SYT1: variants seen among roughly 807,000 people sequenced by gnomAD.
SYT1 encodes the protein synaptotagmin-1.
SYT1 carries 8 observed loss-of-function variants against 44.8 expected under a neutral mutation model. That is an observed-to-expected ratio of 0.18 (90% CI 0.10 to 0.32). The LOEUF (loss-of-function observed/expected upper bound fraction) is 0.32. SYT1 is among the 10% of genes least tolerant of loss of function. The pLI is 1.00. For missense variants in SYT1, 286 were observed against 509.3 expected, an observed-to-expected ratio of 0.56 and a Z score of 4.22; for synonymous variants, 154 against 188.8, an observed-to-expected ratio of 0.82 and a Z score of 1.51.
chr12:79,094,037 C>T (rs73353584), intron 3 of SYT1, among the ~76,000 whole-genome samples: 5,111 of 151,356 alleles, frequency 0.034, 172 homozygotes, highest in South Asian at 0.11. Context: ...TCTCTTGTAA[C>T]AAGAAGTTAA....
intron 3 of SYT1, among the ~76,000 whole-genome samples, chr12:79,062,345 A>G (rs1875453532): frequency 6.6e-6 from 1 of 152,180 alleles, no homozygotes; most frequent in Non-Finnish European, 1.5e-5. Flanking sequence ...GTTTGCCTTC[A>G]TTGACTTTTC....
chr12:79,113,803 T>C (rs1321159717), intron 3 of SYT1, among the ~76,000 whole-genome samples: 1 of 152,160 alleles, frequency 6.6e-6, no homozygotes, highest in South Asian at 2.1e-4. Flanking sequence ...TAGTGTCCTG[T>C]AACCTCACCC....
chr12:79,285,593 A>G (rs1183746231), intron 4 of SYT1, among the ~76,000 whole-genome samples, 194 bp from the exon 5 acceptor site: 1 of 152,256 alleles, frequency 6.6e-6, no homozygotes, highest in Non-Finnish European at 1.5e-5. Flanking sequence ...GGAAGGGCAA[A>G]GTGGGAAAGA....
chr12:78,881,259 A>T (rs1592520311), intron 1 of SYT1, among the ~76,000 whole-genome samples: 1 of 151,540 alleles, frequency 6.6e-6, no homozygotes, highest in Admixed American at 6.6e-5. Context: ...CATCAATTTT[A>T]TATCGCTCCC....
intron 8 of SYT1, among the ~76,000 whole-genome samples, chr12:79,339,155 A>G (rs1267604442): frequency 1.3e-5 from 2 of 152,218 alleles, no homozygotes; most frequent in Non-Finnish European, 2.9e-5. Flanking sequence ...TTATAGCAGC[A>G]TGATTTATAA....
intron 1 of SYT1, among the ~76,000 whole-genome samples, chr12:78,908,759 C>T (rs1045928711): frequency 5.9e-5 from 9 of 151,830 alleles, no homozygotes; most frequent in Admixed American, 2.6e-4. Context: ...TGGAAAGAGT[C>T]GGCAGAGTCC....
At position 79,040,923 on chromosome 12, in the gene SYT1, C is replaced by T. The variant is rs1203904691; in HGVS notation, c.-83-6374C>T. Among the ~76,000 whole-genome samples the T allele has an allele frequency of 1.4e-3, 210 of 150,714 alleles. 2 individuals carry two copies. The highest frequency in any genetic ancestry group is 4.9e-3 in the African/African-American group (200 of 41,212). ...TGTTTTTCTCAGGTTTGTCAAAGAT[C>T]AGATAGTTGTAGATATGCGGCGTTA... is the stretch of plus-strand genomic sequence containing the variant. On this transcript the variant is annotated intron_variant, in intron 2 of 10. Coordinates refer to ENST00000261205, the MANE Select transcript of SYT1 (RefSeq NM_005639.3).
At chr12:78,994,968 C>T (rs777807157) in intron 2 of SYT1, among the ~76,000 whole-genome samples, 3 of 152,154 alleles carry the variant, frequency 2.0e-5, no homozygotes, top group Admixed American at 1.3e-4. Flanking sequence ...TGCACTGACG[C>T]TCCCCAGTCT....
chr12:79,041,331 G>T (rs1873553232), intron 2 of SYT1, among the ~76,000 whole-genome samples: 1 of 152,064 alleles, frequency 6.6e-6, no homozygotes, highest in Non-Finnish European at 1.5e-5. Context: ...CCTTGAAGAG[G>T]TCCTTCACAT....
chr12:79,176,314 G>T (rs1251167084), intron 3 of SYT1, among the ~76,000 whole-genome samples: 1 of 151,260 alleles, frequency 6.6e-6, no homozygotes, highest in African/African-American at 2.4e-5. Context: ...ATACCAAAGT[G>T]ATTTGGAAAA....
chr12:79,421,013 C>T (rs886855397), intron 9 of SYT1, among the ~76,000 whole-genome samples: 5 of 152,014 alleles, frequency 3.3e-5, no homozygotes, highest in Non-Finnish European at 7.4e-5. Flanking sequence ...TTCCTTTAAA[C>T]AAAGCAGATG....
At chr12:78,923,903 G>A (rs1354463643) in intron 1 of SYT1, among the ~76,000 whole-genome samples, 1 of 151,774 alleles carries the variant, frequency 6.6e-6, no homozygotes, top group Non-Finnish European at 1.5e-5. Context: ...GATTTCATAG[G>A]TTTCCCAATA....
At chr12:78,909,148 T>C (rs1326312505) in intron 1 of SYT1, among the ~76,000 whole-genome samples, 1 of 151,858 alleles carries the variant, frequency 6.6e-6, no homozygotes. Context: ...TCCATGCATT[T>C]TTTGTGCTCC....
At chr12:79,389,591 A>C (rs1593024515) in intron 9 of SYT1, among the ~76,000 whole-genome samples, 1 of 152,176 alleles carries the variant, frequency 6.6e-6, no homozygotes, top group African/African-American at 2.4e-5. Flanking sequence ...CCATAATTGT[A>C]AGTGGAGCTA....
intron 3 of SYT1, among the ~76,000 whole-genome samples, chr12:79,077,126 G>C (rs1052958531): frequency 5.9e-5 from 9 of 152,036 alleles, no homozygotes; most frequent in African/African-American, 2.2e-4. Flanking sequence ...ACTTTGGTCT[G>C]CTGCTGCCCT....
chr12:78,887,377 G>C lies in SYT1; in HGVS notation c.-217+22268G>C, dbSNP rs1317253186. 2.0e-5 allele frequency among the ~76,000 whole-genome samples: 3 copies of C among 151,904 alleles called. No individual in the cohort carries two copies. In the East Asian group the frequency reaches 5.8e-4, roughly 30 times the overall value. On this transcript the variant is annotated intron_variant, in intron 1 of 10. Transcript: ENST00000261205. ...CCAAATGCACATGAGTGTGGATGCTGGCAATTCGGATATGCCAAAGAGAAG... is the reference window on the plus strand; with the variant it reads ...CCAAATGCACATGAGTGTGGATGCTCGCAATTCGGATATGCCAAAGAGAAG...
chr12:79,082,788 C>T (rs73353552), intron 3 of SYT1, among the ~76,000 whole-genome samples: 5,878 of 152,070 alleles, frequency 0.039, 235 homozygotes, highest in African/African-American at 0.097. Context: ...AGGGGAGGTC[C>T]AAGGTGAGGC....
At chr12:79,355,523 C>G (rs919938106) in intron 9 of SYT1, among the ~76,000 whole-genome samples, 4 of 152,036 alleles carry the variant, frequency 2.6e-5, no homozygotes, top group Non-Finnish European at 5.9e-5. Flanking sequence ...TCCTGAAAAG[C>G]CCTAATTTTA....
chr12:78,886,572 C>G (rs1463537965), intron 1 of SYT1, among the ~76,000 whole-genome samples: 1 of 151,858 alleles, frequency 6.6e-6, no homozygotes, highest in African/African-American at 2.4e-5. Context: ...TAACCATATG[C>G]CTGTGATGAT....
Sources: allele counts gnomAD v4.1 joint callset (sites outside exome capture counted in the v4.1 genomes callset), GRCh38; gene constraint gnomAD v4.1.1; transcripts MANE v1.5; gene names NCBI Gene and HGNC (gene_info 2026-07-23, HGNC 2026-07-21).